Variants in ATP11A observed in about 807,000 individuals in gnomAD.
ATP11A encodes ATPase phospholipid transporting 11A, also known as phospholipid-transporting ATPase IH.
Under a neutral mutation model 154.4 loss-of-function variants are expected in ATP11A, and 81 were observed. The observed-to-expected ratio is 0.52, with a 90% CI of 0.44 to 0.63. The LOEUF (loss-of-function observed/expected upper bound fraction) is 0.63. Ranked by LOEUF, ATP11A falls within the 30% of genes least tolerant of loss-of-function variation. ATP11A has a pLI of 0.00. For synonymous variants in ATP11A, 623 were observed against 585.9 expected (o/e 1.06, Z -0.91); for missense variants, 1,316 against 1,474.3 (o/e 0.89, Z 1.76).
In ATP11A at chr13:112,697,501, C is replaced by T. The variant is rs544146333; in HGVS notation, c.39+7046C>T. Among the ~76,000 whole-genome samples the T allele has an allele frequency of 7.7e-4, 117 of 152,206 alleles. No homozygotes were observed. Among genetic ancestry groups the T allele is most frequent in the African/African-American group, 2.6e-3 (108 of 41,536 alleles). On this transcript the variant is annotated intron_variant, in intron 1 of 29. Transcript: ENST00000375645. The surrounding 1 kb of genome is among the most constrained non-coding windows in gnomAD (Gnocchi z 4.0). ...GGGAGAGCAGCCGCAGTGCCCTGTCCCCAGAGCCTGGTGTCCAGAGCCAGA... is the reference window on the plus strand; with the variant it reads ...GGGAGAGCAGCCGCAGTGCCCTGTCTCCAGAGCCTGGTGTCCAGAGCCAGA...
Position 112,783,139 on chromosome 13 carries a change from C to T in ATP11A, c.40-1996C>T, listed in dbSNP as rs1177906436. On this transcript the variant is annotated intron_variant, in intron 1 of 29. Coordinates refer to ENST00000375645, the MANE Select transcript of ATP11A (RefSeq NM_015205.3). ...TCACACAGCTCCTGTCCGGGACGTT[C>T]TGGGTGGGACAGTGTGGAAAGACTT... Among the ~76,000 whole-genome samples the T allele has an allele frequency of 3.3e-5, 5 of 152,306 alleles. No individual in the cohort carries two copies. In the East Asian group the frequency reaches 9.6e-4, roughly 29 times the overall value.
At chr13:112,862,815 G>A (rs1215376136) in intron 25 of ATP11A, among the ~76,000 whole-genome samples, 17 of 128,788 alleles carry the variant, frequency 1.3e-4, no homozygotes, top group East Asian at 7.1e-4. Flanking sequence ...CACCACCTGC[G>A]CAGTAATTCA....
chr13:112,881,792 C>A (rs1295493470), intron 29 of ATP11A, 84 bp from the exon 30 acceptor site: 1 of 1,364,890 alleles, frequency 7.3e-7, no homozygotes, highest in African/African-American at 1.5e-5. Flanking sequence ...CTGAGACTGA[C>A]CATGTGTCTC....
chr13:112,721,748 C>T (rs1337870383), intron 1 of ATP11A, among the ~76,000 whole-genome samples: 1 of 152,198 alleles, frequency 6.6e-6, no homozygotes, highest in Non-Finnish European at 1.5e-5. Flanking sequence ...TCTTCTGGCC[C>T]CCAGCGAATG....
At chr13:112,881,499 A>G (rs2080883299) in intron 29 of ATP11A, 6 of 1,102,216 alleles carry the variant, frequency 5.4e-6, no homozygotes, top group South Asian at 2.4e-5. Flanking sequence ...GGAAGCTCGT[A>G]GGTTTCCCGT....
intron 1 of ATP11A, among the ~76,000 whole-genome samples, chr13:112,778,599 G>A (rs2077404822): frequency 6.6e-6 from 1 of 152,122 alleles, no homozygotes; most frequent in Non-Finnish European, 1.5e-5. Flanking sequence ...GGAATGAGTA[G>A]CCGCTGGTTT....
At chr13:112,733,534 A>T (rs1240887198) in intron 1 of ATP11A, among the ~76,000 whole-genome samples, 1 of 152,204 alleles carries the variant, frequency 6.6e-6, no homozygotes, top group East Asian at 1.9e-4. Context: ...TGAGCTGTTG[A>T]GCCTAGTTCT....
intron 17 of ATP11A, among the ~76,000 whole-genome samples, chr13:112,844,336 C>T (rs999955582): frequency 9.2e-5 from 14 of 152,228 alleles, no homozygotes; most frequent in Non-Finnish European, 1.2e-4. Flanking sequence ...AGAAAGTCTT[C>T]TTGAGATGTA....
intron 1 of ATP11A, among the ~76,000 whole-genome samples, chr13:112,752,230 C>T (rs770134644): frequency 5.9e-5 from 9 of 152,128 alleles, no homozygotes; most frequent in Non-Finnish European, 1.0e-4. Flanking sequence ...ACAGTGACGG[C>T]GGCTGTGTCA....
At chr13:112,698,118 C>G (rs1886093197) in intron 1 of ATP11A, among the ~76,000 whole-genome samples, 1 of 152,180 alleles carries the variant, frequency 6.6e-6, no homozygotes, top group African/African-American at 2.4e-5. Context: ...GAACTTCTTG[C>G]TGACATTTGA....
chr13:112,793,456 G>A (rs2077914993), intron 2 of ATP11A, among the ~76,000 whole-genome samples: 1 of 152,206 alleles, frequency 6.6e-6, no homozygotes, highest in African/African-American at 2.4e-5. Flanking sequence ...ACCCGCCTCG[G>A]CCTCCCAAAG....
chr13:112,849,944 G>A (rs568007914), intron 17 of ATP11A, among the ~76,000 whole-genome samples: 12 of 152,208 alleles, frequency 7.9e-5, no homozygotes, highest in Non-Finnish European at 1.8e-4. Flanking sequence ...GGATGGGAAG[G>A]AAGGAGTTCC....
At chr13:112,860,005 C>A (rs1418902767) in intron 23 of ATP11A, among the ~76,000 whole-genome samples, 3 of 151,810 alleles carry the variant, frequency 2.0e-5, no homozygotes, top group Admixed American at 2.0e-4. Context: ...TTGAAGATGG[C>A]AATCAGAATT....
chr13:112,809,140 G>T (rs1250388092), intron 4 of ATP11A, among the ~76,000 whole-genome samples: 1 of 152,132 alleles, frequency 6.6e-6, no homozygotes, highest in Non-Finnish European at 1.5e-5. Context: ...GCATGCAGTT[G>T]GTGCTAAATA....
At chr13:112,827,267 A>T (rs1566538407) in intron 12 of ATP11A, among the ~76,000 whole-genome samples, 1 of 152,142 alleles carries the variant, frequency 6.6e-6, no homozygotes, top group African/African-American at 2.4e-5. Flanking sequence ...AACAAACCAG[A>T]TTTTCAGTGA....
chr13:112,876,974 T>G (rs1201356672), intron 28 of ATP11A, among the ~76,000 whole-genome samples: 1 of 152,210 alleles, frequency 6.6e-6, no homozygotes, highest in Non-Finnish European at 1.5e-5. Context: ...TTGGTGCCGA[T>G]TTGAAATGTT....
intron 25 of ATP11A, among the ~76,000 whole-genome samples, chr13:112,871,039 G>A (rs1057030987): frequency 3.3e-5 from 5 of 152,322 alleles, no homozygotes; most frequent in Admixed American, 2.6e-4. Context: ...GGCCGCACGC[G>A]GGGCAGCCTC....
intron 1 of ATP11A, among the ~76,000 whole-genome samples, chr13:112,776,025 G>T (rs1380594711): frequency 6.6e-6 from 1 of 152,090 alleles, no homozygotes; most frequent in African/African-American, 2.4e-5. Flanking sequence ...ACCCCTTCCC[G>T]CCTCCCTGGC....
intron 1 of ATP11A, among the ~76,000 whole-genome samples, chr13:112,710,194 G>A (rs1034740469): frequency 7.2e-5 from 11 of 152,214 alleles, no homozygotes; most frequent in African/African-American, 2.2e-4. Flanking sequence ...CTTTGCAGAC[G>A]TGTGTGTGGC....
Sources: allele counts gnomAD v4.1 joint callset (sites outside exome capture counted in the v4.1 genomes callset), GRCh38; gene constraint gnomAD v4.1.1; non-coding constraint Gnocchi (gnomAD v3.1); transcripts MANE v1.5; gene names NCBI Gene and HGNC (gene_info 2026-07-23, HGNC 2026-07-21).